PLCE1: variants seen among roughly 807,000 people sequenced by gnomAD.
PLCE1 encodes the protein 1-phosphatidylinositol 4,5-bisphosphate phosphodiesterase epsilon-1.
A neutral mutation model predicts 242.8 loss-of-function variants in PLCE1; 119 were observed. The observed-to-expected ratio is 0.49, with a 90% CI of 0.42 to 0.57. PLCE1 has a LOEUF of 0.57. PLCE1 is among the 20% of genes least tolerant of loss of function. PLCE1 has a pLI of 0.00. For missense variants in PLCE1, 2,441 were observed against 2,788.8 expected, an observed-to-expected ratio of 0.88 and a Z score of 2.81; for synonymous variants, 945 against 1,017.4, an observed-to-expected ratio of 0.93 and a Z score of 1.35.
chr10:94,321,629 GA>G lies in PLCE1; in HGVS notation c.6343-255del, dbSNP rs34787476. ...GGCAACAGAGCAAGACTCCATCTCA[GA>G]AAAAAAAAAAAAAAAACCCACAGCT... On this transcript the variant is annotated intron_variant, in intron 29 of 32. Transcript: ENST00000371380. 0.19 allele frequency among the ~76,000 whole-genome samples: 19,548 copies of G among 104,566 alleles called. 1,347 individuals are homozygous for G. The highest frequency in any genetic ancestry group is 0.34 in the Middle Eastern group (74 of 218). 68.6% of individuals were successfully genotyped at this position (104,566 alleles called of 152,430 possible).
At chr10:94,237,339 G>A (rs543393306) in intron 7 of PLCE1, among the ~76,000 whole-genome samples, 2 of 152,198 alleles carry the variant, frequency 1.3e-5, no homozygotes, top group Non-Finnish European at 2.9e-5. Flanking sequence ...ACACCTTCAG[G>A]ACTGCCACTT....
At chr10:94,193,442 A>G (rs1564775628) in intron 4 of PLCE1, among the ~76,000 whole-genome samples, 1 of 152,206 alleles carries the variant, frequency 6.6e-6, no homozygotes, top group Non-Finnish European at 1.5e-5. Context: ...TTTGTGGCAG[A>G]AGGGATATAT....
chr10:94,249,453 A>G (rs1478562375), intron 8 of PLCE1, among the ~76,000 whole-genome samples: 1 of 152,126 alleles, frequency 6.6e-6, no homozygotes, highest in Non-Finnish European at 1.5e-5. Context: ...AAATTTACCT[A>G]TAAGCTAAAG....
chr10:94,008,191 C>CAAAAAAAAA (rs745999207), intron 1 of PLCE1, among the ~76,000 whole-genome samples: 2 of 55,210 alleles, frequency 3.6e-5, no homozygotes, highest in Non-Finnish European at 7.1e-5. Flanking sequence ...GACCTTGTCT[C>CAAAAAAAAA]AAAAAAAAAA....
At chr10:94,057,384 G>A (rs1322891096) in intron 2 of PLCE1, among the ~76,000 whole-genome samples, 5 of 151,818 alleles carry the variant, frequency 3.3e-5, no homozygotes, top group African/African-American at 9.7e-5. Flanking sequence ...ATTTTTAATA[G>A]CTGACCTACA....
intron 2 of PLCE1, among the ~76,000 whole-genome samples, chr10:94,057,560 T>G (rs2043941197): frequency 1.3e-5 from 2 of 152,232 alleles, no homozygotes; most frequent in Non-Finnish European, 2.9e-5. Flanking sequence ...TTTAATATCC[T>G]TGATACTTTG....
chr10:94,075,024 G>A (rs749243394), intron 2 of PLCE1, among the ~76,000 whole-genome samples: 1 of 152,124 alleles, frequency 6.6e-6, no homozygotes, highest in Non-Finnish European at 1.5e-5. Flanking sequence ...TTGTCTTTGT[G>A]GATTCCTTTC....
Position 94,132,240 on chromosome 10 carries a change from A to G in PLCE1, c.1273A>G (p.Lys425Glu). ...TGGATCTCTACTCCATTTCCTCACC[A>G]AGCTCCCAGCCTCCGAGACAGCCCA... ...TVGSLLHFLTKLPASETAHGR... is the reference protein window; with the variant it reads ...TVGSLLHFLTELPASETAHGR... The change falls in exon 3 of 33, where the codon AAG becomes GAG. Residue 425 changes from lysine to glutamate, a missense_variant. By Grantham distance (56) the Lys-to-Glu change is moderately conservative. Coordinates refer to ENST00000371380, the MANE Select transcript of PLCE1 (RefSeq NM_016341.4). The G allele has an allele frequency of 6.2e-7, 1 of 1,614,116 alleles. No individual in the cohort carries two copies. The highest frequency in any genetic ancestry group is 8.5e-7 in the Non-Finnish European group (1 of 1,179,986).
At chr10:94,168,239 T>C (rs1453724984) in intron 3 of PLCE1, among the ~76,000 whole-genome samples, 1 of 152,132 alleles carries the variant, frequency 6.6e-6, no homozygotes, top group Non-Finnish European at 1.5e-5. Context: ...CAATGTGTCC[T>C]ATGAAGAGGA....
At chr10:94,065,611 A>G (rs901132476) in intron 2 of PLCE1, among the ~76,000 whole-genome samples, 12 of 152,222 alleles carry the variant, frequency 7.9e-5, no homozygotes, top group Admixed American at 2.6e-4. Context: ...CTCTGGAGAC[A>G]GCAGTTGTCC....
At chr10:94,114,484 C>T (rs543678825) in intron 2 of PLCE1, among the ~76,000 whole-genome samples, 8 of 152,204 alleles carry the variant, frequency 5.3e-5, no homozygotes, top group Non-Finnish European at 1.0e-4. Flanking sequence ...GACCTTTCCA[C>T]GTTTGCTTTG....
intron 4 of PLCE1, among the ~76,000 whole-genome samples, chr10:94,179,530 T>TTTTTTTTTTA (rs10636243): frequency 1.7e-5 from 2 of 118,826 alleles, no homozygotes; most frequent in African/African-American, 3.2e-5. Context: ...TTTTTTTTTT[T>TTTTTTTTTTA]GACAGGGTCT....
chr10:94,027,765 G>A (rs1209762649), intron 1 of PLCE1, among the ~76,000 whole-genome samples: 1 of 152,090 alleles, frequency 6.6e-6, no homozygotes, highest in African/African-American at 2.4e-5. Flanking sequence ...AGGTTGTAGT[G>A]AGCCAAGATC....
intron 2 of PLCE1, among the ~76,000 whole-genome samples, chr10:94,077,584 A>AC (rs2044541783): frequency 6.6e-6 from 1 of 152,080 alleles, no homozygotes; most frequent in Admixed American, 6.6e-5. Context: ...ACATAGTGAG[A>AC]CCCCAAGTCT....
intron 4 of PLCE1, among the ~76,000 whole-genome samples, chr10:94,189,435 C>T (rs1039893471): frequency 1.3e-5 from 2 of 151,984 alleles, no homozygotes; most frequent in African/African-American, 2.4e-5. Flanking sequence ...AAGATGAGGA[C>T]CCCAGGCAAG....
chr10:94,253,328 TGA>T (rs919571082), intron 9 of PLCE1, among the ~76,000 whole-genome samples: 4 of 150,954 alleles, frequency 2.6e-5, no homozygotes, highest in African/African-American at 9.8e-5. Flanking sequence ...AGAGCAGGAG[TGA>T]GAGAGAAGGG....
chr10:94,195,517 A>C (rs1343078227), intron 4 of PLCE1, among the ~76,000 whole-genome samples: 4 of 152,038 alleles, frequency 2.6e-5, no homozygotes. Flanking sequence ...TTTTAAGAGG[A>C]ATGATATGAC....
intron 2 of PLCE1, among the ~76,000 whole-genome samples, chr10:94,049,680 C>T (rs1178088346): frequency 1.3e-5 from 2 of 152,000 alleles, no homozygotes; most frequent in African/African-American, 4.8e-5. Flanking sequence ...GTGTACAGGT[C>T]AATGTATTTC....
intron 2 of PLCE1, among the ~76,000 whole-genome samples, chr10:94,099,284 C>A (rs773846896): frequency 1.3e-5 from 2 of 152,136 alleles, no homozygotes; most frequent in Non-Finnish European, 2.9e-5. Flanking sequence ...GACTTTAAAC[C>A]CTGCTTCCTT....
Sources: allele counts gnomAD v4.1 joint callset (sites outside exome capture counted in the v4.1 genomes callset), GRCh38; gene constraint gnomAD v4.1.1; transcripts MANE v1.5; gene names NCBI Gene and HGNC (gene_info 2026-07-23, HGNC 2026-07-21).